The following PPP6C variants were observed in gnomAD, a reference collection of about 807,000 sequenced individuals.
PPP6C encodes serine/threonine-protein phosphatase 6 catalytic subunit.
Under a neutral mutation model 39.8 loss-of-function variants are expected in PPP6C, and 11 were observed. The ratio of observed to expected loss-of-function variants is 0.28; its 90% CI spans 0.17 to 0.46. The LOEUF is 0.46. PPP6C is among the 20% of genes least tolerant of loss of function. The pLI is 1.00. For missense variants in PPP6C, 211 were observed against 373.9 expected, an observed-to-expected ratio of 0.56 and a Z score of 3.59; for synonymous variants, 129 against 130.3, an observed-to-expected ratio of 0.99 and a Z score of 0.07.
At chr9:125,176,860 C>A (rs933299452) in intron 1 of PPP6C, among the ~76,000 whole-genome samples, 1 of 152,060 alleles carries the variant, frequency 6.6e-6, no homozygotes, top group South Asian at 2.1e-4. Context: ...GTAGCATCTG[C>A]TAGATTTATG....
chr9:125,171,836 C>T (rs747668480), intron 1 of PPP6C: 7 of 453,660 alleles, frequency 1.5e-5, no homozygotes, highest in African/African-American at 8.0e-5. Flanking sequence ...TTACAGGCGT[C>T]AGCCACCGTG....
intron 1 of PPP6C, among the ~76,000 whole-genome samples, chr9:125,180,007 G>A (rs1829389314): frequency 6.6e-6 from 1 of 152,044 alleles, no homozygotes; most frequent in Middle Eastern, 3.2e-3. Context: ...TACATAAAAT[G>A]CATCCCTTTG....
At chr9:125,151,750 AGGATTG>A (rs1243026637) in intron 6 of PPP6C, among the ~76,000 whole-genome samples, 1 of 152,226 alleles carries the variant, frequency 6.6e-6, no homozygotes, top group East Asian at 1.9e-4. Flanking sequence ...TGAAGAAAGA[AGGATTG>A]AGATTAACTG....
intron 1 of PPP6C, among the ~76,000 whole-genome samples, chr9:125,186,663 C>A (rs1373591467): frequency 6.6e-6 from 1 of 151,622 alleles, no homozygotes; most frequent in African/African-American, 2.4e-5. Context: ...GGTGGGAGGA[C>A]TGCCTGAGCC....
intron 4 of PPP6C, among the ~76,000 whole-genome samples, chr9:125,155,993 ATAG>A (rs921984679): frequency 3.3e-5 from 5 of 151,892 alleles, no homozygotes; most frequent in African/African-American, 4.8e-5. Context: ...TTACATATAT[ATAG>A]TAGGTGTGTG....
intron 2 of PPP6C, among the ~76,000 whole-genome samples, chr9:125,162,816 G>A (rs1221529959): frequency 5.4e-5 from 8 of 147,588 alleles, no homozygotes; most frequent in East Asian, 4.1e-4. Context: ...AGAGGCTCAC[G>A]CCTGTAATCC....
At position 125,171,166 on chromosome 9, in the gene PPP6C, G is replaced by A. The variant is rs777921274; in HGVS notation, c.90C>T (p.Tyr30=). The change falls in exon 2 of 7, where the codon TAC becomes TAT. Residue 30 remains tyrosine, a synonymous_variant. Transcript: ENST00000373547. ...ACTCTTCTAAGAGGAGGTCACAAAC[G>A]TAGTCACATAGCCGCTATAAAAAGA... is the stretch of plus-strand genomic sequence containing the variant. The part of the protein sequence containing the change: ...PENDLKRLCD[Y]VCDLLLEESN... 64 of 1,590,798 alleles carry A rather than the reference G, an allele frequency of 4.0e-5. No homozygotes were observed. In the Admixed American group the frequency reaches 6.9e-4, roughly 17 times the overall value.
At chr9:125,166,196 TATC>T (rs1458725254) in intron 2 of PPP6C, among the ~76,000 whole-genome samples, 2 of 152,226 alleles carry the variant, frequency 1.3e-5, no homozygotes, top group African/African-American at 2.4e-5. Flanking sequence ...TTGCATTTTA[TATC>T]ATCAAAAAAC....
chr9:125,160,408 C>A (rs982711318), intron 3 of PPP6C, among the ~76,000 whole-genome samples: 2 of 152,160 alleles, frequency 1.3e-5, no homozygotes, highest in Non-Finnish European at 2.9e-5. Flanking sequence ...CAAATCTCAT[C>A]TTGAATTCCC....
chr9:125,164,763 G>A (rs1410129495), intron 2 of PPP6C, among the ~76,000 whole-genome samples: 1 of 151,926 alleles, frequency 6.6e-6, no homozygotes, highest in Non-Finnish European at 1.5e-5. Flanking sequence ...TTTTGAGACG[G>A]AGTCTCGCTC....
chr9:125,158,126 G>A, intron 4 of PPP6C, 115 bp downstream of exon 4: 1 of 1,045,196 alleles, frequency 9.6e-7, no homozygotes, highest in Non-Finnish European at 1.4e-6. Flanking sequence ...AGGAGTGAAG[G>A]AGTGAGGATG....
At chr9:125,155,774 G>A (rs930331301) in intron 4 of PPP6C, among the ~76,000 whole-genome samples, 8 of 151,772 alleles carry the variant, frequency 5.3e-5, no homozygotes, top group East Asian at 3.9e-4. Context: ...GCATGGTGGC[G>A]GGCGCCTGTA....
At chr9:125,159,324 C>T (rs976773774) in intron 3 of PPP6C, among the ~76,000 whole-genome samples, 3 of 151,290 alleles carry the variant, frequency 2.0e-5, no homozygotes, top group Non-Finnish European at 2.9e-5. Flanking sequence ...GCTGGGATTA[C>T]AGGCGTGAGC....
At chr9:125,174,659 C>T (rs1434920968) in intron 1 of PPP6C, among the ~76,000 whole-genome samples, 1 of 151,508 alleles carries the variant, frequency 6.6e-6, no homozygotes, top group East Asian at 1.9e-4. Context: ...CCTATAATTC[C>T]AGCACTTTAG....
chr9:125,164,439 G>T (rs1828969213), intron 2 of PPP6C, among the ~76,000 whole-genome samples: 1 of 151,252 alleles, frequency 6.6e-6, no homozygotes. Context: ...CATTGGCCAG[G>T]TTGGTCTTAA....
chr9:125,150,679 CCCA>C (rs1835913446), intron 6 of PPP6C: 6 of 967,718 alleles, frequency 6.2e-6, no homozygotes, highest in Admixed American at 5.6e-5. Context: ...AGCGGCAGCT[CCCA>C]CCAGGGCTTA....
chr9:125,167,259 T>C (rs560427642), intron 2 of PPP6C, among the ~76,000 whole-genome samples: 1 of 149,838 alleles, frequency 6.7e-6, no homozygotes, highest in Admixed American at 6.7e-5. Context: ...TGCGTGCCTG[T>C]AGTCCCAGCT....
intron 1 of PPP6C, among the ~76,000 whole-genome samples, chr9:125,183,359 C>T (rs1226550244): frequency 6.6e-6 from 1 of 152,210 alleles, no homozygotes; most frequent in Non-Finnish European, 1.5e-5. Context: ...CCATTTATGG[C>T]AGTGTTTCCC....
intron 1 of PPP6C, among the ~76,000 whole-genome samples, chr9:125,181,245 A>G (rs1459085638): frequency 6.6e-6 from 1 of 152,172 alleles, no homozygotes; most frequent in African/African-American, 2.4e-5. Flanking sequence ...AACCCTTTAC[A>G]GCTTTATCCC....
Sources: gnomAD v4.1 joint callset for allele counts (sites outside exome capture counted in the v4.1 genomes callset) on GRCh38, gnomAD v4.1.1 for gene constraint, MANE v1.5 for transcripts, NCBI Gene and HGNC (gene_info 2026-07-23, HGNC 2026-07-21) for gene names.